CCDC148: variants seen among roughly 807,000 people sequenced by gnomAD.
CCDC148 encodes the protein coiled-coil domain-containing protein 148.
In CCDC148, 89 loss-of-function variants were observed where a neutral mutation model predicts 85.7. That is an observed-to-expected ratio of 1.04 (90% confidence interval 0.87 to 1.24). The LOEUF is 1.24. CCDC148 is among the 50% of genes most tolerant of loss of function. The pLI is 0.00. For missense variants in CCDC148, 692 were observed against 671.7 expected (o/e 1.03, Z -0.33); for synonymous variants, 230 against 213.9 (o/e 1.08, Z -0.66).
intron 11 of CCDC148, among the ~76,000 whole-genome samples, chr2:158,219,695 G>C (rs568983962): frequency 2.6e-5 from 4 of 152,174 alleles, no homozygotes; most frequent in Non-Finnish European, 5.9e-5. Context: ...TGGCCTGCCT[G>C]CATCCAAGTT....
At chr2:158,366,469 T>C (rs964342585) in intron 1 of CCDC148, among the ~76,000 whole-genome samples, 2 of 152,204 alleles carry the variant, frequency 1.3e-5, no homozygotes, top group African/African-American at 4.8e-5. Flanking sequence ...GATACAGAGA[T>C]GCACCAGCCA....
chr2:158,281,361 C>G (rs1448611619), intron 9 of CCDC148, among the ~76,000 whole-genome samples: 1 of 151,998 alleles, frequency 6.6e-6, no homozygotes, highest in Admixed American at 6.6e-5. Context: ...AAAGGATCAA[C>G]AAAATTGATA....
intron 9 of CCDC148, among the ~76,000 whole-genome samples, chr2:158,285,485 C>T (rs1690576872): frequency 6.6e-6 from 1 of 150,800 alleles, no homozygotes; most frequent in Non-Finnish European, 1.5e-5. Context: ...TATACACATA[C>T]ATTCATACAT....
At position 158,172,228 on chromosome 2, in the gene CCDC148, A is replaced by G; in HGVS notation, c.1661T>C (p.Leu554Ser). Reference protein sequence around the residue: ...IISDPRLRFELALREAGLHRT... With the variant: ...IISDPRLRFESALREAGLHRT... ...ATGAAGTCCAGCTTCTCGAAGTGCT[A>G]ACTCGAAGCGAAGTCTAGGGTCAGA... The change falls in exon 14 of 14, where the codon TTA becomes TCA. Residue 554 changes from leucine (L) to serine (S), a missense_variant. Transcript: ENST00000283233. 1 of 1,607,954 alleles carries G rather than the reference A, an allele frequency of 6.2e-7. No homozygotes were observed. Among genetic ancestry groups the G allele is most frequent in the Non-Finnish European group, 8.5e-7 (1 of 1,177,158 alleles).
At chr2:158,297,439 A>G (rs1012703299) in intron 9 of CCDC148, among the ~76,000 whole-genome samples, 8 of 152,146 alleles carry the variant, frequency 5.3e-5, no homozygotes, top group Non-Finnish European at 1.2e-4. Context: ...CTCTGCCTCA[A>G]AGGTGATCCA....
chr2:158,367,940 A>C (rs886273428), intron 1 of CCDC148, among the ~76,000 whole-genome samples: 1 of 152,226 alleles, frequency 6.6e-6, no homozygotes, highest in African/African-American at 2.4e-5. Context: ...TAATTTACTT[A>C]GTTCAGTTCT....
chr2:158,447,520 C>T (rs1688210322), intron 1 of CCDC148: 1 of 152,212 alleles, frequency 6.6e-6, no homozygotes, highest in Non-Finnish European at 1.5e-5. Flanking sequence ...TACCATTACA[C>T]ATTTAGCAAT....
chr2:158,180,012 A>C (rs1406955233), intron 11 of CCDC148, among the ~76,000 whole-genome samples: 1 of 152,142 alleles, frequency 6.6e-6, no homozygotes, highest in Admixed American at 6.5e-5. Context: ...CTCCTTGCCC[A>C]AGCTATACTT....
intron 1 of CCDC148, among the ~76,000 whole-genome samples, chr2:158,425,891 T>C (rs951003649): frequency 1.3e-5 from 2 of 152,208 alleles, no homozygotes; most frequent in Non-Finnish European, 2.9e-5. Context: ...AGCTTTCTAG[T>C]AGACCATGTG....
At chr2:158,390,119 A>G (rs1050319031) in intron 1 of CCDC148, among the ~76,000 whole-genome samples, 17 of 152,138 alleles carry the variant, frequency 1.1e-4, no homozygotes, top group African/African-American at 4.1e-4. Context: ...ATATAAAATA[A>G]CTGCCTTTTG....
At chr2:158,363,375 A>T (rs1684053861) in intron 1 of CCDC148, among the ~76,000 whole-genome samples, 2 of 152,210 alleles carry the variant, frequency 1.3e-5, no homozygotes, top group Non-Finnish European at 2.9e-5. Context: ...AGAAAATTTC[A>T]GGCCAATATC....
intron 10 of CCDC148, among the ~76,000 whole-genome samples, chr2:158,244,609 G>A (rs1688493372): frequency 6.6e-6 from 1 of 152,030 alleles, no homozygotes; most frequent in East Asian, 1.9e-4. Flanking sequence ...TATCAATGGT[G>A]GTCACATCCT....
chr2:158,347,702 TA>T (rs1337628914), intron 2 of CCDC148, among the ~76,000 whole-genome samples: 1 of 152,040 alleles, frequency 6.6e-6, no homozygotes, highest in Non-Finnish European at 1.5e-5. Flanking sequence ...TCCAAGATAA[TA>T]AAACCCTAAA....
rs1553518854 is a variant in CCDC148 at position 158,406,629 on chromosome 2, T to TTTTTTTTTGTTTTTGTTTTTG, written c.26-48060_26-48059insCAAAAACAAAAACAAAAAAAA. On this transcript the variant is annotated intron_variant, in intron 1 of 13. Transcript: ENST00000283233. ...ATTAAATTTCTTTTTTTTTTTTTTT[T>TTTTTTTTTGTTTTTGTTTTTG]TTTTTTTTTTTGAGACAGTGTCTCC... Among the ~76,000 whole-genome samples the TTTTTTTTTGTTTTTGTTTTTG allele has an allele frequency of 3.4e-5, 4 of 117,508 alleles. 1 individual carries two copies. The highest frequency in any genetic ancestry group is 5.2e-4 in the East Asian group (2 of 3,812). 77.1% of individuals were successfully genotyped at this position (117,508 alleles called of 152,430 possible). A position where few individuals can be genotyped will look rare whatever the true frequency, so the allele number is the denominator to read the frequency against.
chr2:158,275,616 G>A (rs1689901967), intron 9 of CCDC148, among the ~76,000 whole-genome samples: 3 of 151,768 alleles, frequency 2.0e-5, no homozygotes, highest in Non-Finnish European at 4.4e-5. Context: ...TGTCAATCTA[G>A]TTTTATCATC....
intron 7 of CCDC148, among the ~76,000 whole-genome samples, chr2:158,316,497 C>T (rs1350477106): frequency 1.3e-5 from 2 of 152,138 alleles, no homozygotes; most frequent in South Asian, 4.1e-4. Flanking sequence ...TTTTAGAAGC[C>T]TCACATCCCA....
chr2:158,185,156 C>T (rs1182349277), intron 11 of CCDC148, among the ~76,000 whole-genome samples: 1 of 152,140 alleles, frequency 6.6e-6, no homozygotes, highest in East Asian at 1.9e-4. Context: ...CTTTCAACCC[C>T]ATTCTTTCCC....
intron 1 of CCDC148, among the ~76,000 whole-genome samples, chr2:158,376,945 G>A (rs369711386): frequency 6.6e-6 from 1 of 152,058 alleles, no homozygotes; most frequent in African/African-American, 2.4e-5. Flanking sequence ...CAGTGACTGA[G>A]GATGAGCAGC....
At chr2:158,203,475 T>C (rs1686073556) in intron 11 of CCDC148, among the ~76,000 whole-genome samples, 1 of 152,096 alleles carries the variant, frequency 6.6e-6, no homozygotes. Flanking sequence ...CCACTATTAA[T>C]GGCAAATGAG....
Sources: allele counts gnomAD v4.1 joint callset (sites outside exome capture counted in the v4.1 genomes callset), GRCh38; gene constraint gnomAD v4.1.1; transcripts MANE v1.5; gene names NCBI Gene and HGNC (gene_info 2026-07-23, HGNC 2026-07-21).